ZNF516: variants seen among roughly 807,000 people sequenced by gnomAD.
ZNF516 encodes the protein zinc finger protein 516.
ZNF516 carries 19 observed loss-of-function variants against 79.7 expected under a neutral mutation model. The ratio of observed to expected loss-of-function variants is 0.24; its 90% CI spans 0.17 to 0.35. The LOEUF (loss-of-function observed/expected upper bound fraction) is 0.35, where lower values mean the gene tolerates loss of function less well. Among genes scored for constraint, ZNF516 ranks in the 10% least tolerant of loss-of-function variants. The pLI, the probability that ZNF516 is intolerant of heterozygous loss-of-function variation, is 1.00. For missense variants in ZNF516, 1,678 were observed against 1,679.5 expected, an observed-to-expected ratio of 1.00 and a Z score of 0.02; for synonymous variants, 877 against 739.5, an observed-to-expected ratio of 1.19 and a Z score of -3.02.
Position 76,441,500 on chromosome 18 carries a change from C to G in ZNF516, c.1555G>C (p.Glu519Gln). 1 of 1,594,746 alleles carries G rather than the reference C, an allele frequency of 6.3e-7. No homozygotes were observed. Among genetic ancestry groups the G allele is most frequent in the Non-Finnish European group, 8.5e-7 (1 of 1,172,192 alleles). ...TAGGTGCGGAAGATCTTGCCGCACT[C>G]GAAGCACTCGGAGGACTTGCCCTGG... ...TGQGKSSECF[E>Q]CGKIFRTYHQ... is the part of the protein sequence containing the mutation. Residue 519 changes from glutamate (E) to glutamine (Q), a missense_variant, in exon 3 of 7, where the codon GAG (glutamate) becomes CAG (glutamine). This residue lies in a region of ZNF516 where 1,294 missense variants were observed against 1,248.3 expected (regional missense o/e 1.04). Coordinates refer to ENST00000443185, the MANE Select transcript of ZNF516 (RefSeq NM_014643.4).
At chr18:76,490,993 G>T in intron 1 of ZNF516, 1 of 985,286 alleles carries the variant, frequency 1.0e-6, no homozygotes, top group Non-Finnish European at 1.2e-6. Context: ...CCCTCGCGAG[G>T]CGCCCCAAGC....
intron 1 of ZNF516, among the ~76,000 whole-genome samples, chr18:76,470,308 A>G (rs1212878587): frequency 6.6e-6 from 1 of 152,164 alleles, no homozygotes; most frequent in Non-Finnish European, 1.5e-5. Flanking sequence ...AGTGGTCAGG[A>G]TACAATTCTA....
chr18:76,470,538 C>T (rs185971246), intron 1 of ZNF516, among the ~76,000 whole-genome samples: 7 of 152,288 alleles, frequency 4.6e-5, no homozygotes, highest in East Asian at 1.9e-4. Context: ...AAATTCCATA[C>T]GAACCCTCTT....
At chr18:76,376,782 C>T (rs77708289) in intron 4 of ZNF516, among the ~76,000 whole-genome samples, 1 of 152,062 alleles carries the variant, frequency 6.6e-6, no homozygotes, top group African/African-American at 2.4e-5. Flanking sequence ...CTAGGGTGCA[C>T]GCAGGCTGGA....
Position 76,428,580 on chromosome 18 carries a change from C to T in ZNF516, c.1810+12665G>A, listed in dbSNP as rs137918526. ...AAGAGTCCAAGAGAGGAGAGTCCTC[C>T]GCCCACACAGGGAGATTCCCAAGAC... is the stretch of plus-strand genomic sequence containing the variant. On this transcript the variant is annotated intron_variant, in intron 3 of 6. Transcript: ENST00000443185. Among the ~76,000 whole-genome samples the T allele has an allele frequency of 5.7e-3, 862 of 152,252 alleles. 3 individuals carry two copies. Among genetic ancestry groups the T allele is most frequent in the Non-Finnish European group, 9.0e-3 (612 of 68,022 alleles).
At chr18:76,397,232 G>A (rs1308294173) in intron 3 of ZNF516, among the ~76,000 whole-genome samples, 9 of 152,182 alleles carry the variant, frequency 5.9e-5, no homozygotes, top group Non-Finnish European at 1.2e-4. Flanking sequence ...TCATCAAAGG[G>A]CAGCCCTGGG....
chr18:76,492,860 G>A, intron 1 of ZNF516: 4 of 985,824 alleles, frequency 4.1e-6, no homozygotes, highest in Non-Finnish European at 4.8e-6. Flanking sequence ...TAGCCGAACT[G>A]ACTCGAATAA....
chr18:76,402,553 G>A (rs2075245692), intron 3 of ZNF516, among the ~76,000 whole-genome samples: 1 of 152,214 alleles, frequency 6.6e-6, no homozygotes, highest in African/African-American at 2.4e-5. Flanking sequence ...CCCCTGCGGG[G>A]GACAGAGGAA....
intron 4 of ZNF516, among the ~76,000 whole-genome samples, chr18:76,373,096 G>A (rs2074733014): frequency 6.6e-6 from 1 of 152,124 alleles, no homozygotes; most frequent in Non-Finnish European, 1.5e-5. Context: ...GCTGCATTGA[G>A]TTGAGATCAC....
intron 3 of ZNF516, among the ~76,000 whole-genome samples, chr18:76,400,435 A>G (rs1026822468): frequency 6.6e-6 from 1 of 152,262 alleles, no homozygotes; most frequent in Non-Finnish European, 1.5e-5. Flanking sequence ...AAACGCCCAG[A>G]AAGTTAAAAC....
intron 3 of ZNF516, among the ~76,000 whole-genome samples, chr18:76,438,018 CACG>C (rs774790477): frequency 4.6e-5 from 7 of 152,262 alleles, no homozygotes; most frequent in African/African-American, 1.4e-4. Flanking sequence ...CAGATATTAG[CACG>C]ACAAGAAATG....
chr18:76,478,131 A>G (rs915069235), intron 1 of ZNF516, among the ~76,000 whole-genome samples: 3 of 152,224 alleles, frequency 2.0e-5, no homozygotes, highest in Admixed American at 2.0e-4. Flanking sequence ...TCCAACAACT[A>G]TATTTCAGAT....
At chr18:76,474,748 A>G (rs564706937) in intron 1 of ZNF516, among the ~76,000 whole-genome samples, 1 of 152,202 alleles carries the variant, frequency 6.6e-6, no homozygotes, top group African/African-American at 2.4e-5. Context: ...AATGAGATAA[A>G]TAACTAGCTG....
chr18:76,464,161 T>C (rs746200209), intron 1 of ZNF516, among the ~76,000 whole-genome samples: 3 of 151,880 alleles, frequency 2.0e-5, no homozygotes, highest in Non-Finnish European at 4.4e-5. Flanking sequence ...CCGTCTGTAC[T>C]AAAAATACAA....
intron 3 of ZNF516, among the ~76,000 whole-genome samples, chr18:76,410,159 G>A (rs188902113): frequency 1.2e-3 from 176 of 152,268 alleles, no homozygotes; most frequent in African/African-American, 4.1e-3. Context: ...TGTTAGCAGC[G>A]TTAAAAACGG....
At chr18:76,400,499 A>C (rs2075204249) in intron 3 of ZNF516, among the ~76,000 whole-genome samples, 1 of 152,208 alleles carries the variant, frequency 6.6e-6, no homozygotes, top group African/African-American at 2.4e-5. Flanking sequence ...TTTCCCCATT[A>C]GACATTCTTA....
chr18:76,483,837 G>A (rs1466105386), intron 1 of ZNF516, among the ~76,000 whole-genome samples: 1 of 152,212 alleles, frequency 6.6e-6, no homozygotes, highest in African/African-American at 2.4e-5. Flanking sequence ...GCAGATAGCT[G>A]CCTGGTCTTT....
intron 6 of ZNF516, among the ~76,000 whole-genome samples, chr18:76,369,822 G>A (rs1039296500): frequency 6.6e-6 from 1 of 152,206 alleles, no homozygotes; most frequent in Non-Finnish European, 1.5e-5. Flanking sequence ...CAACACAGGT[G>A]TGACGTCCTC....
rs1217055910 is a variant in ZNF516 at position 76,481,170 on chromosome 18, G to A, written c.-272+13974C>T. 2.6e-5 allele frequency among the ~76,000 whole-genome samples: 4 copies of A among 152,320 alleles called. No individual in the cohort carries two copies. The East Asian group carries it at 5.8e-4, about 22-fold the overall frequency. On this transcript the variant is annotated intron_variant, in intron 1 of 6. Coordinates refer to ENST00000443185, the MANE Select transcript of ZNF516 (RefSeq NM_014643.4). Reference sequence around the variant, plus strand: ...CTGGTCAGAGGCAGGACGGGACCAAGTCCCACCAGCTCACTGGGATGGCTA... The same window carrying A: ...CTGGTCAGAGGCAGGACGGGACCAAATCCCACCAGCTCACTGGGATGGCTA...
Sources: allele counts gnomAD v4.1 joint callset (sites outside exome capture counted in the v4.1 genomes callset), GRCh38; gene constraint gnomAD v4.1.1; regional missense constraint gnomAD v4.1.1; transcripts MANE v1.5; gene names NCBI Gene and HGNC (gene_info 2026-07-23, HGNC 2026-07-21).